HTR7: variants seen among roughly 807,000 people sequenced by gnomAD.
HTR7 encodes 5-HT-7.
A neutral mutation model predicts 34.0 loss-of-function variants in HTR7; 16 were observed. The ratio of observed to expected loss-of-function variants is 0.47; its 90% CI spans 0.32 to 0.71. HTR7 has a LOEUF of 0.71. Ranked by LOEUF, HTR7 falls within the 30% of genes least tolerant of loss-of-function variation. The pLI is 0.04. For synonymous variants in HTR7, 265 were observed against 260.2 expected, an observed-to-expected ratio of 1.02 and a Z score of -0.18; for missense variants, 504 against 625.5, an observed-to-expected ratio of 0.81 and a Z score of 2.07.
intron 1 of HTR7, among the ~76,000 whole-genome samples, chr10:90,756,395 G>C (rs1475304662): frequency 2.0e-5 from 3 of 152,158 alleles, no homozygotes; most frequent in South Asian, 2.1e-4. Context: ...ACAATACACT[G>C]AACTTATCAT....
intron 1 of HTR7, among the ~76,000 whole-genome samples, chr10:90,796,332 A>C (rs1845537508): frequency 6.6e-6 from 1 of 152,256 alleles, no homozygotes; most frequent in South Asian, 2.1e-4. Flanking sequence ...GGAATGTATC[A>C]GGGAAACTGT....
chr10:90,785,213 G>A (rs1845362732), intron 1 of HTR7, among the ~76,000 whole-genome samples: 1 of 152,154 alleles, frequency 6.6e-6, no homozygotes, highest in African/African-American at 2.4e-5. Context: ...TGGTTGATAT[G>A]ACATAAGCAT....
intron 1 of HTR7, among the ~76,000 whole-genome samples, chr10:90,797,597 A>G (rs752969160): frequency 6.6e-5 from 10 of 152,252 alleles, no homozygotes; most frequent in Non-Finnish European, 1.5e-4. Context: ...AAAGGTTTCC[A>G]GGACTTTCAC....
At position 90,857,806 on chromosome 10, in the gene HTR7, G is replaced by C; in HGVS notation, c.-135C>G. The C allele has an allele frequency of 2.4e-6, 2 of 836,878 alleles. No homozygotes were observed. The highest frequency in any genetic ancestry group is 1.6e-6 in the Non-Finnish European group (1 of 619,996). The allele number at this position is 836,878 out of a possible 1,614,324, so 51.8% of individuals were successfully genotyped here. A position where few individuals can be genotyped will look rare whatever the true frequency, so the allele number is the denominator to read the frequency against. On this transcript the variant is annotated 5_prime_UTR_variant, in exon 1 of 4. Coordinates refer to ENST00000336152, the MANE Select transcript of HTR7 (RefSeq NM_019859.4). The surrounding 1 kb of genome is among the most constrained non-coding windows in gnomAD (Gnocchi z 6.5). ...GGGCCCGCGCCGACCGCTGGGGGGC[G>C]CCTGGCTCTGTCTCGGAGCCCCGCA...
intron 1 of HTR7, among the ~76,000 whole-genome samples, chr10:90,768,422 A>T (rs7907728): frequency 0.23 from 35,199 of 152,048 alleles, 4,337 homozygotes; most frequent in African/African-American, 0.32. Context: ...CCTTGCTTCA[A>T]ATTCTGTTTC....
intron 2 of HTR7, among the ~76,000 whole-genome samples, chr10:90,747,332 T>C (rs542440784): frequency 6.6e-6 from 1 of 152,328 alleles, no homozygotes; most frequent in African/African-American, 2.4e-5. Flanking sequence ...AAAATCCTAA[T>C]GGTCAGTTCA....
intron 1 of HTR7, among the ~76,000 whole-genome samples, chr10:90,838,080 C>T (rs745663738): frequency 6.6e-6 from 1 of 152,162 alleles, no homozygotes; most frequent in Non-Finnish European, 1.5e-5. Context: ...CTCTCTCCCA[C>T]ACCATTGCCT....
intron 1 of HTR7, among the ~76,000 whole-genome samples, chr10:90,786,830 T>C (rs528007314): frequency 3.6e-4 from 55 of 152,264 alleles, no homozygotes; most frequent in African/African-American, 8.7e-4. Context: ...TGGTGATACC[T>C]CCAGGAGACC....
At chr10:90,777,898 C>A (rs2119832919) in intron 1 of HTR7, among the ~76,000 whole-genome samples, 1 of 152,252 alleles carries the variant, frequency 6.6e-6, no homozygotes, top group East Asian at 1.9e-4. Flanking sequence ...GTAACAATGC[C>A]ACTTCCTTAT....
intron 1 of HTR7, among the ~76,000 whole-genome samples, chr10:90,750,307 C>T (rs1179717086): frequency 6.6e-6 from 1 of 152,040 alleles, no homozygotes; most frequent in Non-Finnish European, 1.5e-5. Context: ...AACAAGGGTG[C>T]AATTCTGAAA....
intron 1 of HTR7, among the ~76,000 whole-genome samples, chr10:90,822,645 A>T (rs932965067): frequency 1.3e-5 from 2 of 152,244 alleles, no homozygotes; most frequent in Non-Finnish European, 2.9e-5. Flanking sequence ...AGTAAAGAAG[A>T]GCCTGATGTT....
Position 90,781,844 on chromosome 10 carries a change from G to T in HTR7, c.540-32250C>A, listed in dbSNP as rs561352913. Among the ~76,000 whole-genome samples the T allele has an allele frequency of 1.2e-4, 18 of 152,288 alleles. No homozygotes were observed. In the South Asian group the frequency reaches 3.3e-3, roughly 28 times the overall value. ...ACAATTTAGTTAACGGCATAACCCT[G>T]CCTGTGGCCATAGTAAGCACAGGCA... On this transcript the variant is annotated intron_variant, in intron 1 of 3. Transcript: ENST00000336152.
chr10:90,817,025 C>T (rs1845907153), intron 1 of HTR7, among the ~76,000 whole-genome samples: 1 of 152,190 alleles, frequency 6.6e-6, no homozygotes, highest in Non-Finnish European at 1.5e-5. Context: ...GCCACAAGGG[C>T]CCCACCAAGG....
At chr10:90,834,366 A>G (rs1846222964) in intron 1 of HTR7, among the ~76,000 whole-genome samples, 1 of 150,186 alleles carries the variant, frequency 6.7e-6, no homozygotes, top group Non-Finnish European at 1.5e-5. Flanking sequence ...TGAATACATA[A>G]ATATGGGAAC....
At chr10:90,789,768 T>G (rs757270796) in intron 1 of HTR7, among the ~76,000 whole-genome samples, 22 of 152,154 alleles carry the variant, frequency 1.4e-4, no homozygotes, top group African/African-American at 7.2e-5. Flanking sequence ...ACATTTGGAT[T>G]TGGGGAGGTC....
chr10:90,812,140 G>T (rs1408867016), intron 1 of HTR7, among the ~76,000 whole-genome samples: 1 of 152,030 alleles, frequency 6.6e-6, no homozygotes, highest in African/African-American at 2.4e-5. Flanking sequence ...AATGCTACAG[G>T]GTACAGCCCA....
rs549933116 is a variant in HTR7, at chr10:90,795,201, G to C, written c.540-45607C>G. The stretch of plus-strand genomic sequence containing the variant: ...AGTAGGATTGCTGGATCATATGGTA[G>C]TTCTATTTTTAATTTTTTGAGAAAC... On this transcript the variant is annotated intron_variant, in intron 1 of 3. Coordinates refer to ENST00000336152, the MANE Select transcript of HTR7 (RefSeq NM_019859.4). Among the ~76,000 whole-genome samples, 71 of 152,206 alleles carry C rather than the reference G, an allele frequency of 4.7e-4. 3 individuals carry two copies. In the South Asian group the frequency reaches 0.015, roughly 32 times the overall value.
At chr10:90,831,558 G>A (rs1010725414) in intron 1 of HTR7, among the ~76,000 whole-genome samples, 4 of 152,196 alleles carry the variant, frequency 2.6e-5, no homozygotes, top group Non-Finnish European at 5.9e-5. Flanking sequence ...CCAAACTGTG[G>A]AAAGGGACCC....
chr10:90,828,331 A>G (rs1214360272), intron 1 of HTR7, among the ~76,000 whole-genome samples: 1 of 152,166 alleles, frequency 6.6e-6, no homozygotes, highest in Non-Finnish European at 1.5e-5. Context: ...AACAGAACCT[A>G]AAATCAGTAG....
Sources: gnomAD v4.1 joint callset for allele counts (sites outside exome capture counted in the v4.1 genomes callset) on GRCh38, gnomAD v4.1.1 for gene constraint, Gnocchi (gnomAD v3.1) non-coding constraint, MANE v1.5 for transcripts, NCBI Gene and HGNC (gene_info 2026-07-23, HGNC 2026-07-21) for gene names.